Variants in LRRC4C observed in about 807,000 individuals in gnomAD.
The protein encoded by LRRC4C is leucine-rich repeat-containing protein 4C.
LRRC4C carries 5 observed loss-of-function variants against 33.6 expected under a neutral mutation model. That is an observed-to-expected ratio of 0.15 (90% CI 0.08 to 0.31). The LOEUF (loss-of-function observed/expected upper bound fraction) is 0.31, where lower values mean the gene tolerates loss of function less well. Among genes scored for constraint, LRRC4C ranks in the 10% least tolerant of loss-of-function variants. LRRC4C has a pLI of 1.00. For synonymous variants in LRRC4C, 329 were observed against 302.0 expected, an observed-to-expected ratio of 1.09 and a Z score of -0.93; for missense variants, 560 against 796.7, an observed-to-expected ratio of 0.70 and a Z score of 3.58.
intron 1 of LRRC4C, among the ~76,000 whole-genome samples, chr11:41,133,343 A>G (rs1943103264): frequency 6.6e-6 from 1 of 152,114 alleles, no homozygotes; most frequent in Non-Finnish European, 1.5e-5. Context: ...AATACTTAGG[A>G]GGAGAGCAAA....
intron 5 of LRRC4C, among the ~76,000 whole-genome samples, chr11:40,165,223 CAT>C (rs1859487278): frequency 6.6e-6 from 1 of 152,148 alleles, no homozygotes; most frequent in Non-Finnish European, 1.5e-5. Context: ...TGTGTATACA[CAT>C]ATATGTATAT....
chr11:40,481,847 A>G (rs1486724901), intron 3 of LRRC4C, among the ~76,000 whole-genome samples: 1 of 152,190 alleles, frequency 6.6e-6, no homozygotes, highest in African/African-American at 2.4e-5. Flanking sequence ...AACAAAATAA[A>G]ATGTCTTTAA....
chr11:40,863,064 G>A (rs550685448), intron 2 of LRRC4C, among the ~76,000 whole-genome samples: 5 of 152,196 alleles, frequency 3.3e-5, no homozygotes, highest in Admixed American at 6.5e-5. Context: ...TATCATCACA[G>A]TGCAAGGAGG....
chr11:40,691,218 T>A (rs1312136890), intron 2 of LRRC4C, among the ~76,000 whole-genome samples: 1 of 152,000 alleles, frequency 6.6e-6, no homozygotes, highest in East Asian at 1.9e-4. Context: ...AACCCATGTC[T>A]TGTGGGGTTC....
intron 1 of LRRC4C, among the ~76,000 whole-genome samples, chr11:40,952,284 C>T (rs1269154345): frequency 6.6e-6 from 1 of 151,786 alleles, no homozygotes; most frequent in African/African-American, 2.4e-5. Context: ...CAACTTTCCC[C>T]CAAAATAAAA....
chr11:40,392,545 T>C (rs2137462393), intron 3 of LRRC4C, among the ~76,000 whole-genome samples: 1 of 152,222 alleles, frequency 6.6e-6, no homozygotes, highest in East Asian at 1.9e-4. Context: ...AAATTAAAGA[T>C]GTCAACCATT....
Position 40,855,659 on chromosome 11 carries a change from G to A in LRRC4C, c.-407+77976C>T, listed in dbSNP as rs181736661. ...ACAAAGTGTCACCATAGAAAATGAC[G>A]TCAGGCTGTATGTTTTTCAAAAGGC... is the stretch of plus-strand genomic sequence containing the variant. On this transcript the variant is annotated intron_variant, in intron 2 of 6. Transcript: ENST00000528697. 5.3e-3 allele frequency among the ~76,000 whole-genome samples: 803 copies of A among 152,202 alleles called. 7 individuals are homozygous for A. Among genetic ancestry groups the A allele is most frequent in the African/African-American group, 0.018 (755 of 41,528 alleles).
intron 1 of LRRC4C, among the ~76,000 whole-genome samples, chr11:40,950,778 C>A (rs1180545718): frequency 6.6e-6 from 1 of 151,922 alleles, no homozygotes; most frequent in Non-Finnish European, 1.5e-5. Flanking sequence ...GAGATACATG[C>A]TTCCAGAGTT....
intron 2 of LRRC4C, among the ~76,000 whole-genome samples, chr11:40,838,813 A>T (rs529927127): frequency 3.3e-5 from 5 of 152,022 alleles, no homozygotes; most frequent in Non-Finnish European, 5.9e-5. Context: ...AAAACTGCTG[A>T]AAGTTATTCA....
chr11:40,128,950 A>G (rs1341839050), intron 6 of LRRC4C, among the ~76,000 whole-genome samples: 1 of 152,012 alleles, frequency 6.6e-6, no homozygotes, highest in Non-Finnish European at 1.5e-5. Context: ...ACTATTTGTT[A>G]TTTTTTCTCA....
chr11:40,245,397 GT>G (rs1866251244), intron 4 of LRRC4C, among the ~76,000 whole-genome samples: 1 of 152,248 alleles, frequency 6.6e-6, no homozygotes, highest in African/African-American at 2.4e-5. Flanking sequence ...TAAATACAGT[GT>G]TTTGCCAAAG....
chr11:40,216,812 C>A (rs149774924), intron 5 of LRRC4C, among the ~76,000 whole-genome samples: 3 of 152,208 alleles, frequency 2.0e-5, no homozygotes, highest in Admixed American at 6.5e-5. Context: ...CATGGAAGAC[C>A]GCAAGTTCTT....
intron 1 of LRRC4C, among the ~76,000 whole-genome samples, chr11:40,987,651 ATC>A (rs199955404): frequency 0.033 from 1,583 of 47,860 alleles, 112 homozygotes; most frequent in East Asian, 0.26. Context: ...ATATATATAT[ATC>A]TCATATATAT....
rs78445169 is a variant in LRRC4C at position 40,519,928 on chromosome 11, T to A, written c.-270+128214A>T. Among the ~76,000 whole-genome samples, 1,009 of 152,306 alleles carry A rather than the reference T, an allele frequency of 6.6e-3. 9 individuals carry two copies. The highest frequency in any genetic ancestry group is 0.023 in the African/African-American group (969 of 41,564). ...ACTACACTAAATGCCAGAATATCCA[T>A]GTAGACAAAACAGCATTCTATTGGC... On this transcript the variant is annotated intron_variant, in intron 3 of 6. Coordinates refer to ENST00000528697, the MANE Select transcript of LRRC4C (RefSeq NM_001258419.2).
chr11:40,498,920 T>C (rs1954606681), intron 3 of LRRC4C, among the ~76,000 whole-genome samples: 1 of 152,222 alleles, frequency 6.6e-6, no homozygotes, highest in Non-Finnish European at 1.5e-5. Flanking sequence ...CTACAGAGTG[T>C]GTTTAAGCAA....
intron 3 of LRRC4C, among the ~76,000 whole-genome samples, chr11:40,588,280 T>C (rs1229162708): frequency 6.6e-6 from 1 of 151,776 alleles, no homozygotes; most frequent in Admixed American, 6.6e-5. Context: ...GTTTGTAGTA[T>C]TCTCTGATGG....
intron 2 of LRRC4C, among the ~76,000 whole-genome samples, chr11:40,682,719 C>G (rs1353675925): frequency 6.7e-6 from 1 of 149,670 alleles, no homozygotes; most frequent in Non-Finnish European, 1.5e-5. Context: ...TGCACTCCAG[C>G]TTGGGTGACA....
At chr11:41,050,496 T>C (rs962416753) in intron 1 of LRRC4C, among the ~76,000 whole-genome samples, 8 of 152,056 alleles carry the variant, frequency 5.3e-5, no homozygotes, top group Admixed American at 3.3e-4. Flanking sequence ...CCTGTGTCCA[T>C]GTGTTCTCAT....
At chr11:40,975,536 A>G (rs980223274) in intron 1 of LRRC4C, among the ~76,000 whole-genome samples, 2 of 152,184 alleles carry the variant, frequency 1.3e-5, no homozygotes, top group Non-Finnish European at 2.9e-5. Flanking sequence ...AAGTAGCCTC[A>G]TCTCTTTATT....
Sources: allele counts gnomAD v4.1 joint callset (sites outside exome capture counted in the v4.1 genomes callset), GRCh38; gene constraint gnomAD v4.1.1; transcripts MANE v1.5; gene names NCBI Gene and HGNC (gene_info 2026-07-23, HGNC 2026-07-21).